The following PDE10A variants were observed in gnomAD, a reference collection of about 807,000 sequenced individuals.
PDE10A encodes the protein phosphodiesterase 10A, also known as cAMP and cAMP-inhibited cGMP 3',5'-cyclic phosphodiesterase 10A.
PDE10A carries 39 observed loss-of-function variants against 97.7 expected under a neutral mutation model. The observed-to-expected ratio is 0.40, with a 90% CI of 0.31 to 0.52. The LOEUF is 0.52. Among genes scored for constraint, PDE10A ranks in the 20% least tolerant of loss-of-function variants. PDE10A has a pLI of 0.56. For missense variants in PDE10A, 731 were observed against 1,047.8 expected (o/e 0.70, Z 4.17); for synonymous variants, 371 against 376.8 (o/e 0.98, Z 0.18).
chr6:165,419,596 A>G (rs1788554764), intron 10 of PDE10A, among the ~76,000 whole-genome samples: 1 of 152,186 alleles, frequency 6.6e-6, no homozygotes, highest in African/African-American at 2.4e-5. Flanking sequence ...GAAACCATGT[A>G]TTCATTTCAT....
At chr6:165,983,066 AC>A (rs1369237557) in intron 1 of PDE10A, among the ~76,000 whole-genome samples, 1 of 9,762 alleles carries the variant, frequency 1.0e-4, no homozygotes, top group African/African-American at 1.6e-3. Flanking sequence ...TCACAATTTT[AC>A]GACACACACA....
intron 18 of PDE10A, among the ~76,000 whole-genome samples, chr6:165,357,940 T>C (rs1338842490): frequency 6.6e-6 from 1 of 152,138 alleles, no homozygotes; most frequent in Non-Finnish European, 1.5e-5. Flanking sequence ...CTGATGAACA[T>C]ACACATTGAA....
chr6:165,849,548 C>T (rs780054880), intron 1 of PDE10A, among the ~76,000 whole-genome samples: 19 of 152,220 alleles, frequency 1.2e-4, no homozygotes, highest in Non-Finnish European at 2.6e-4. Context: ...TCAGCATTTT[C>T]CAATTTTGAG....
intron 1 of PDE10A, among the ~76,000 whole-genome samples, chr6:165,652,955 C>T (rs1173583819): frequency 2.6e-5 from 4 of 152,182 alleles, no homozygotes; most frequent in Admixed American, 2.6e-4. Context: ...CTGCTCCACG[C>T]CAAGCCATGC....
intron 1 of PDE10A, among the ~76,000 whole-genome samples, chr6:165,822,013 A>T (rs1779586419): frequency 6.6e-6 from 1 of 152,228 alleles, no homozygotes; most frequent in African/African-American, 2.4e-5. Flanking sequence ...AGAAAGGGCA[A>T]CTTGAAGACT....
chr6:165,459,844 T>C (rs1193746682), intron 3 of PDE10A, among the ~76,000 whole-genome samples: 6 of 151,898 alleles, frequency 4.0e-5, no homozygotes, highest in African/African-American at 9.7e-5. Flanking sequence ...GCTTTAACTG[T>C]GGGAAGCATG....
chr6:165,533,521 C>T (rs1782905581), intron 2 of PDE10A, among the ~76,000 whole-genome samples: 1 of 152,142 alleles, frequency 6.6e-6, no homozygotes. Context: ...GACCACCTTC[C>T]TTCGTAGAGG....
chr6:165,442,330 T>A (rs4709936), intron 5 of PDE10A, among the ~76,000 whole-genome samples: 1 of 152,056 alleles, frequency 6.6e-6, no homozygotes, highest in African/African-American at 2.4e-5. Flanking sequence ...TGTGTGATGT[T>A]CCCCACCCTG....
chr6:165,713,202 G>T (rs564505613), intron 1 of PDE10A, among the ~76,000 whole-genome samples: 6 of 152,300 alleles, frequency 3.9e-5, no homozygotes, highest in African/African-American at 1.4e-4. Context: ...AGTGCCCGTG[G>T]GGTTCAGACT....
At chr6:165,650,517 G>A (rs1789629573) in intron 1 of PDE10A, among the ~76,000 whole-genome samples, 1 of 152,002 alleles carries the variant, frequency 6.6e-6, no homozygotes, top group Non-Finnish European at 1.5e-5. Flanking sequence ...TGTGTATGTT[G>A]TTTACACCTT....
At chr6:165,911,368 C>T (rs577518279) in intron 1 of PDE10A, among the ~76,000 whole-genome samples, 1 of 152,296 alleles carries the variant, frequency 6.6e-6, no homozygotes, top group South Asian at 2.1e-4. Context: ...AAATGAGTTT[C>T]TCAAAATGAC....
At position 165,383,050 on chromosome 6, in the gene PDE10A, C is replaced by T. The variant is rs1359820684; in HGVS notation, c.2611-3684G>A. Among the ~76,000 whole-genome samples the T allele has an allele frequency of 2.0e-5, 3 of 152,122 alleles. No individual in the cohort carries two copies. In the East Asian group the frequency reaches 5.8e-4, roughly 29 times the overall value. On this transcript the variant is annotated intron_variant, in intron 17 of 21. Coordinates refer to ENST00000539869, the MANE Select transcript of PDE10A (RefSeq NM_001385079.1). ...CTCTAGCTAAGTAACAGAAATAGTG[C>T]TTCTATAAAGAGTAGTAAGAAGTCA...
chr6:165,965,255 C>T (rs760080139), intron 1 of PDE10A, among the ~76,000 whole-genome samples: 8 of 152,136 alleles, frequency 5.3e-5, no homozygotes, highest in Non-Finnish European at 1.0e-4. Context: ...GTGGGACTTA[C>T]GCAACTGTCC....
At chr6:165,414,354 G>A (rs535152001) in intron 12 of PDE10A, among the ~76,000 whole-genome samples, 36 of 152,274 alleles carry the variant, frequency 2.4e-4, no homozygotes, top group Non-Finnish European at 4.0e-4. Context: ...GTGAGGACAT[G>A]TTTTTGGAAA....
intron 1 of PDE10A, among the ~76,000 whole-genome samples, chr6:165,652,748 C>T (rs551231042): frequency 1.3e-5 from 2 of 152,332 alleles, no homozygotes; most frequent in African/African-American, 4.8e-5. Flanking sequence ...TTTTAAAGGG[C>T]CAAATACGCT....
intron 1 of PDE10A, among the ~76,000 whole-genome samples, chr6:165,557,812 T>C (rs1314576926): frequency 6.6e-6 from 1 of 152,162 alleles, no homozygotes; most frequent in South Asian, 2.1e-4. Context: ...TGTTTTAGGA[T>C]GAATAAGGGA....
At chr6:165,842,757 C>T (rs932954475) in intron 1 of PDE10A, among the ~76,000 whole-genome samples, 2 of 152,200 alleles carry the variant, frequency 1.3e-5, no homozygotes, top group South Asian at 2.1e-4. Flanking sequence ...GATAGTCACA[C>T]AGCAAGTTAG....
intron 5 of PDE10A, among the ~76,000 whole-genome samples, chr6:165,447,695 C>T (rs1790970894): frequency 2.0e-5 from 3 of 152,150 alleles, no homozygotes; most frequent in Non-Finnish European, 2.9e-5. Context: ...TTTTAGAATA[C>T]TACCAGTGTC....
chr6:165,520,505 A>T (rs1373654857), intron 2 of PDE10A, among the ~76,000 whole-genome samples: 1 of 152,140 alleles, frequency 6.6e-6, no homozygotes, highest in African/African-American at 2.4e-5. Context: ...GGGCATGAGG[A>T]CAGCTACTAC....
Sources: allele counts gnomAD v4.1 joint callset (sites outside exome capture counted in the v4.1 genomes callset), GRCh38; gene constraint gnomAD v4.1.1; transcripts MANE v1.5; gene names NCBI Gene and HGNC (gene_info 2026-07-23, HGNC 2026-07-21).